Variants in STYK1 observed in about 807,000 individuals in gnomAD.
STYK1 encodes the protein tyrosine-protein kinase STYK1.
In STYK1, 46 loss-of-function variants were observed where a neutral mutation model predicts 48.1. The observed-to-expected ratio is 0.96, with a 90% CI of 0.75 to 1.22. STYK1 has a LOEUF of 1.22. Among genes scored for constraint, STYK1 ranks in the 50% most tolerant of loss-of-function variants. The pLI, the probability that STYK1 is intolerant of heterozygous loss-of-function variation, is 0.00. For synonymous variants in STYK1, 188 were observed against 189.0 expected, an observed-to-expected ratio of 0.99 and a Z score of 0.04; for missense variants, 527 against 521.1, an observed-to-expected ratio of 1.01 and a Z score of -0.11.
Position 10,672,083 on chromosome 12 carries a change from T to C in STYK1, c.-195+1883A>G, listed in dbSNP as rs1224012976. ...TAAAAAGGGGAAATTCAGAGACATATATACAGGGAGAACACCATATAAACA... is the reference window on the plus strand; with the variant it reads ...TAAAAAGGGGAAATTCAGAGACATACATACAGGGAGAACACCATATAAACA... On this transcript the variant is annotated intron_variant, in intron 1 of 10. Transcript: ENST00000075503. This position sits in a 1 kb window ranked among gnomAD's most constrained non-coding sequence, Gnocchi z 4.0. Among the ~76,000 whole-genome samples, 2 of 152,136 alleles carry C rather than the reference T, an allele frequency of 1.3e-5. No homozygotes were observed. Among genetic ancestry groups the C allele is most frequent in the Non-Finnish European group, 2.9e-5 (2 of 68,014 alleles).
At chr12:10,667,674 C>T (rs918371978) in intron 1 of STYK1, among the ~76,000 whole-genome samples, 2 of 152,078 alleles carry the variant, frequency 1.3e-5, no homozygotes, top group African/African-American at 4.8e-5. Flanking sequence ...TCCTTGTTGT[C>T]ACTATGCCAA....
intron 1 of STYK1, among the ~76,000 whole-genome samples, chr12:10,655,270 C>T (rs1947705851): frequency 6.6e-6 from 1 of 152,170 alleles, no homozygotes; most frequent in Admixed American, 6.5e-5. Context: ...TCCTTGGGAG[C>T]TTGACCTTGT....
chr12:10,626,924 G>A (rs1316802519), intron 7 of STYK1, among the ~76,000 whole-genome samples: 2 of 152,122 alleles, frequency 1.3e-5, no homozygotes, highest in Non-Finnish European at 2.9e-5. Context: ...GGAGAATGGC[G>A]TGAACCTGGG....
At chr12:10,636,838 A>G (rs1267485991) in intron 2 of STYK1, among the ~76,000 whole-genome samples, 1 of 152,188 alleles carries the variant, frequency 6.6e-6, no homozygotes, top group Non-Finnish European at 1.5e-5. Flanking sequence ...GTCAGCAGCT[A>G]GCTCAGACTC....
At chr12:10,632,417 A>T (rs1035423422) in intron 4 of STYK1, among the ~76,000 whole-genome samples, 1 of 152,194 alleles carries the variant, frequency 6.6e-6, no homozygotes. Flanking sequence ...TAGCTGCAAT[A>T]GTTGAGAAAT....
In STYK1 at chr12:10,627,660, T is replaced by A; in HGVS notation, c.698A>T (p.Lys233Met). 6.2e-7 allele frequency: 1 copy of A among 1,613,908 alleles called. No homozygotes were observed. The highest frequency in any genetic ancestry group is 8.5e-7 in the Non-Finnish European group (1 of 1,179,924). The change falls in exon 7 of 11, where the codon AAG becomes ATG. Residue 233 changes from lysine (K) to methionine (M), a missense_variant. Transcript: ENST00000075503. ...TCTTACCAGCGCCAAAAGGACCTGC[T>A]TTCCGATGTGATATACTTGTTTTTC... ...LTEKQVYHIG[K>M]QVLLALEFLQ...
intron 1 of STYK1, among the ~76,000 whole-genome samples, chr12:10,648,576 G>C (rs1355875554): frequency 6.6e-6 from 1 of 151,770 alleles, no homozygotes; most frequent in African/African-American, 2.4e-5. Flanking sequence ...AATAAAACAA[G>C]ATACATTTTT....
intron 1 of STYK1, among the ~76,000 whole-genome samples, chr12:10,660,956 G>A (rs118163478): frequency 4.7e-3 from 715 of 152,056 alleles, no homozygotes; most frequent in Non-Finnish European, 8.4e-3. Context: ...AACCCACACC[G>A]CTGCTCTGCC....
At chr12:10,669,750 T>G (rs1203913555) in intron 1 of STYK1, among the ~76,000 whole-genome samples, 1 of 152,166 alleles carries the variant, frequency 6.6e-6, no homozygotes, top group African/African-American at 2.4e-5. Context: ...AAGTGATTAA[T>G]ATCCAAAATA....
At chr12:10,629,417 C>T (rs1947395385) in intron 6 of STYK1, 76 bp downstream of exon 6, 4 of 1,463,598 alleles carry the variant, frequency 2.7e-6, no homozygotes, top group East Asian at 4.8e-5. Flanking sequence ...TGTCATTTGT[C>T]ACACTAACTG....
intron 4 of STYK1, 62 bp downstream of exon 4, chr12:10,633,928 A>G: frequency 6.3e-7 from 1 of 1,584,544 alleles, no homozygotes; most frequent in Non-Finnish European, 8.6e-7. Flanking sequence ...AACTTAGACC[A>G]TACTTTTTCC....
intron 1 of STYK1, among the ~76,000 whole-genome samples, chr12:10,666,761 C>T (rs1471546618): frequency 6.6e-6 from 1 of 152,208 alleles, no homozygotes; most frequent in East Asian, 1.9e-4. Context: ...CCTTCACATG[C>T]TTTCTCTCAC....
In STYK1 at chr12:10,629,558, G is replaced by C. The variant is rs963187265; in HGVS notation, c.568C>G (p.Leu190Val). ...LEGCCTEKLP[L>V]YMVLEDVAQG... ...GCCACATCCTCCAACACCATATAGA[G>C]TGGCAGCTTTTCAGTGCAGCAGCCT... The change falls in exon 6 of 11, where the codon CTC (leucine) becomes GTC (valine). Residue 190 changes from leucine to valine, a missense_variant. Leu to Val is a conservative substitution (Grantham distance 32). Transcript: ENST00000075503. 9 of 1,614,040 alleles carry C rather than the reference G, an allele frequency of 5.6e-6. No individual in the cohort carries two copies. The highest frequency in any genetic ancestry group is 7.6e-6 in the Non-Finnish European group (9 of 1,180,038).
rs974116036 is a variant in STYK1, at chr12:10,624,194, G to C, written c.926+457C>G. 6.6e-5 allele frequency among the ~76,000 whole-genome samples: 10 copies of C among 151,722 alleles called. No individual in the cohort carries two copies. The East Asian group carries it at 1.9e-3, about 29-fold the overall frequency. ...CCAGCACTTTGGGAGGCGAAGGTGA[G>C]AGGATCACTTGAGCCCAGAACTTCT... On this transcript the variant is annotated intron_variant, in intron 8 of 10. Coordinates refer to ENST00000075503, the MANE Select transcript of STYK1 (RefSeq NM_018423.3).
chr12:10,623,140 G>GAA (rs1947316274), intron 8 of STYK1, among the ~76,000 whole-genome samples: 1 of 149,140 alleles, frequency 6.7e-6, no homozygotes, highest in African/African-American at 2.6e-5. Context: ...CCCAAACCTA[G>GAA]GAAAAATATT....
intron 6 of STYK1, 106 bp downstream of exon 6, chr12:10,629,387 A>T: frequency 8.4e-7 from 1 of 1,187,082 alleles, no homozygotes; most frequent in Non-Finnish European, 1.2e-6. Context: ...CTGTCATGCT[A>T]TTATAGTGTC....
At chr12:10,630,342 C>T (rs543742109) in intron 5 of STYK1, among the ~76,000 whole-genome samples, 26 of 140,860 alleles carry the variant, frequency 1.8e-4, no homozygotes, top group African/African-American at 5.9e-4. Flanking sequence ...GCCCAGATGG[C>T]ACCATTGCAC....
intron 1 of STYK1, among the ~76,000 whole-genome samples, chr12:10,657,808 C>A (rs1947735035): frequency 6.6e-6 from 1 of 152,034 alleles, no homozygotes; most frequent in African/African-American, 2.4e-5. Context: ...AGGTTTTGCA[C>A]CAAAAATAAA....
intron 1 of STYK1, among the ~76,000 whole-genome samples, chr12:10,658,707 G>A (rs150161196): frequency 5.3e-5 from 8 of 152,256 alleles, no homozygotes; most frequent in Non-Finnish European, 7.4e-5. Context: ...AATCATACAG[G>A]AAGCATTATA....
Sources: gnomAD v4.1 joint callset for allele counts (sites outside exome capture counted in the v4.1 genomes callset) on GRCh38, gnomAD v4.1.1 for gene constraint, Gnocchi (gnomAD v3.1) non-coding constraint, MANE v1.5 for transcripts, NCBI Gene and HGNC (gene_info 2026-07-23, HGNC 2026-07-21) for gene names.